DLG2: variants seen among roughly 807,000 people sequenced by gnomAD.
The protein encoded by DLG2 is discs large MAGUK scaffold protein 2, also known as disks large homolog 2.
A neutral mutation model predicts 132.5 loss-of-function variants in DLG2; 45 were observed. That is an observed-to-expected ratio of 0.34 (90% CI 0.27 to 0.44). The LOEUF (loss-of-function observed/expected upper bound fraction) is 0.44. DLG2 is among the 20% of genes least tolerant of loss of function. The pLI is 1.00. For synonymous variants in DLG2, 424 were observed against 419.6 expected (o/e 1.01, Z -0.13); for missense variants, 1,045 against 1,196.9 (o/e 0.87, Z 1.87).
chr11:84,141,545 G>A (rs1180701848), intron 9 of DLG2, among the ~76,000 whole-genome samples: 1 of 151,952 alleles, frequency 6.6e-6, no homozygotes, highest in Non-Finnish European at 1.5e-5. Flanking sequence ...GTGATAAAAT[G>A]CCAAATGAAA....
intron 7 of DLG2, among the ~76,000 whole-genome samples, chr11:84,448,503 G>A (rs1053060762): frequency 1.3e-5 from 2 of 151,892 alleles, no homozygotes; most frequent in East Asian, 1.9e-4. Context: ...TTTCCCCAAT[G>A]TGCTCTATAA....
chr11:84,829,981 G>GA (rs2078823519), intron 6 of DLG2, among the ~76,000 whole-genome samples: 1 of 151,556 alleles, frequency 6.6e-6, no homozygotes. Flanking sequence ...TGCTTCATTA[G>GA]AAAAACTTAC....
intron 6 of DLG2, among the ~76,000 whole-genome samples, chr11:84,727,220 G>A (rs529022663): frequency 7.9e-5 from 12 of 152,160 alleles, no homozygotes; most frequent in East Asian, 5.8e-4. Flanking sequence ...GGATTTTTAC[G>A]GTCCCAGGTC....
At chr11:83,972,969 A>G (rs1592128103) in intron 12 of DLG2, among the ~76,000 whole-genome samples, 1 of 152,214 alleles carries the variant, frequency 6.6e-6, no homozygotes, top group South Asian at 2.1e-4. Flanking sequence ...TTTACTCCAT[A>G]TAAAGAAAGA....
chr11:85,565,066 G>A (rs1434213288), intron 3 of DLG2, among the ~76,000 whole-genome samples: 7 of 151,850 alleles, frequency 4.6e-5, no homozygotes, highest in Non-Finnish European at 2.9e-5. Flanking sequence ...TCTGTATATT[G>A]ATCTTGTATC....
chr11:84,092,532 C>T (rs1325008364), intron 10 of DLG2, among the ~76,000 whole-genome samples: 2 of 152,162 alleles, frequency 1.3e-5, no homozygotes, highest in Admixed American at 1.3e-4. Context: ...GTTCTTTCTC[C>T]TATATCTCTT....
At chr11:83,643,540 G>C (rs1334770045) in intron 18 of DLG2, 2 of 152,064 alleles carry the variant, frequency 1.3e-5, no homozygotes, top group African/African-American at 2.4e-5. Context: ...ACCTTCCTTG[G>C]CAAACTCAAA....
intron 7 of DLG2, among the ~76,000 whole-genome samples, chr11:84,380,429 A>T (rs2098745336): frequency 6.6e-6 from 1 of 152,088 alleles, no homozygotes; most frequent in Admixed American, 6.6e-5. Flanking sequence ...CCACAAAATA[A>T]TGAGAAATCA....
At chr11:83,918,724 C>T (rs1328375615) in intron 15 of DLG2, among the ~76,000 whole-genome samples, 1 of 151,704 alleles carries the variant, frequency 6.6e-6, no homozygotes, top group Non-Finnish European at 1.5e-5. Context: ...AGGAAAGAGG[C>T]CTCAGCTGAC....
At chr11:83,772,513 G>C (rs1265579340) in intron 18 of DLG2, among the ~76,000 whole-genome samples, 1 of 147,192 alleles carries the variant, frequency 6.8e-6, no homozygotes, top group African/African-American at 2.5e-5. Flanking sequence ...GAAGGGGAAG[G>C]GAAGAAGGAA....
At chr11:83,582,356 TC>T (rs1802954042) in intron 19 of DLG2, among the ~76,000 whole-genome samples, 1 of 152,166 alleles carries the variant, frequency 6.6e-6, no homozygotes, top group South Asian at 2.1e-4. Context: ...AATATTACAG[TC>T]AGACTCTAGA....
intron 6 of DLG2, among the ~76,000 whole-genome samples, chr11:84,882,827 A>G (rs2087569874): frequency 1.3e-5 from 2 of 152,196 alleles, no homozygotes; most frequent in South Asian, 4.1e-4. Context: ...AGAATTTTCA[A>G]CAGTTCTTTA....
At chr11:84,278,269 C>T (rs1334809761) in intron 7 of DLG2, among the ~76,000 whole-genome samples, 1 of 151,928 alleles carries the variant, frequency 6.6e-6, no homozygotes, top group African/African-American at 2.4e-5. Flanking sequence ...AAGATGCAAA[C>T]TAATCAAGAA....
At chr11:85,394,379 A>G (rs771811528) in intron 3 of DLG2, among the ~76,000 whole-genome samples, 23 of 152,346 alleles carry the variant, frequency 1.5e-4, no homozygotes, top group South Asian at 1.2e-3. Flanking sequence ...TAACAAACCA[A>G]TGAGCATGGC....
chr11:83,804,968 A>T (rs1268682965), intron 17 of DLG2, among the ~76,000 whole-genome samples: 3 of 152,086 alleles, frequency 2.0e-5, no homozygotes, highest in Non-Finnish European at 4.4e-5. Context: ...AATTTCAGTC[A>T]GATGCTTATA....
At chr11:85,093,639 C>T (rs906642744) in intron 6 of DLG2, among the ~76,000 whole-genome samples, 2 of 152,150 alleles carry the variant, frequency 1.3e-5, no homozygotes, top group African/African-American at 2.4e-5. Context: ...GGTGAAAGAA[C>T]GTGTGCGGGG....
At chr11:85,355,972 A>G (rs1290124185) in intron 3 of DLG2, among the ~76,000 whole-genome samples, 1 of 152,218 alleles carries the variant, frequency 6.6e-6, no homozygotes, top group African/African-American at 2.4e-5. Context: ...TCCATCTTGC[A>G]CAGATCACCA....
intron 15 of DLG2, among the ~76,000 whole-genome samples, chr11:83,908,779 G>T (rs1596287768): frequency 6.6e-6 from 1 of 152,108 alleles, no homozygotes; most frequent in East Asian, 1.9e-4. Flanking sequence ...TGTCACCGAG[G>T]TTGTAGCAGA....
chr11:84,443,894 T>C (rs2099024856), intron 7 of DLG2, among the ~76,000 whole-genome samples: 1 of 152,182 alleles, frequency 6.6e-6, no homozygotes, highest in Non-Finnish European at 1.5e-5. Flanking sequence ...ACTGAAGTTT[T>C]TCAGTGTTTT....
Sources: allele counts gnomAD v4.1 joint callset (sites outside exome capture counted in the v4.1 genomes callset), GRCh38; gene constraint gnomAD v4.1.1; transcripts MANE v1.5; gene names NCBI Gene and HGNC (gene_info 2026-07-23, HGNC 2026-07-21).